The following NTRK3 variants were observed in gnomAD, a reference collection of about 807,000 sequenced individuals.
NTRK3 encodes neurotrophic receptor tyrosine kinase 3, also known as NT-3 growth factor receptor.
Under a neutral mutation model 91.7 loss-of-function variants are expected in NTRK3, and 24 were observed. That is an observed-to-expected ratio of 0.26 (90% CI 0.19 to 0.37). NTRK3 has a LOEUF of 0.37. NTRK3 is among the 10% of genes least tolerant of loss of function. The pLI, the probability that NTRK3 is intolerant of heterozygous loss-of-function variation, is 1.00. For synonymous variants in NTRK3, 483 were observed against 404.0 expected (o/e 1.20, Z -2.34); for missense variants, 880 against 1,068.9 (o/e 0.82, Z 2.46).
chr15:88,060,383 C>CCA (rs2046106809), intron 13 of NTRK3, among the ~76,000 whole-genome samples: 1 of 86,326 alleles, frequency 1.2e-5, no homozygotes, highest in Non-Finnish European at 2.3e-5. Flanking sequence ...GACTCCATCT[C>CCA]AAAAAAAAAA....
chr15:88,251,728 G>T (rs1452118887), intron 3 of NTRK3, among the ~76,000 whole-genome samples: 1 of 152,272 alleles, frequency 6.6e-6, no homozygotes, highest in Non-Finnish European at 1.5e-5. Flanking sequence ...GGACTGGCAA[G>T]GCAAGGACAG....
rs370240564 is a variant in NTRK3 at position 88,135,090 on chromosome 15, G to A, written c.1204+11C>T. Reference sequence around the variant, plus strand: ...ATCCATACACCTCCGATCCAGCTACGCTGCCCTCACCTGGAAAGGGCTCCT... The same window carrying A: ...ATCCATACACCTCCGATCCAGCTACACTGCCCTCACCTGGAAAGGGCTCCT... On this transcript the variant is annotated intron_variant, in intron 10 of 18. Transcript: ENST00000394480. The A allele has an allele frequency of 2.2e-5, 35 of 1,614,148 alleles. No individual in the cohort carries two copies. The highest frequency in any genetic ancestry group is 3.3e-5 in the Admixed American group (2 of 60,036).
intron 6 of NTRK3, among the ~76,000 whole-genome samples, chr15:88,145,908 T>A (rs1420368531): frequency 6.6e-6 from 1 of 152,098 alleles, no homozygotes; most frequent in Non-Finnish European, 1.5e-5. Context: ...CTGAAAACAC[T>A]GGGAGATAGT....
At chr15:88,164,241 G>A (rs1177113045) in intron 5 of NTRK3, among the ~76,000 whole-genome samples, 2 of 152,188 alleles carry the variant, frequency 1.3e-5, no homozygotes, top group Non-Finnish European at 2.9e-5. Flanking sequence ...GCTGCAGCCG[G>A]GCTGGCCACA....
chr15:88,086,265 T>C (rs1221464148), intron 13 of NTRK3, among the ~76,000 whole-genome samples: 1 of 152,238 alleles, frequency 6.6e-6, no homozygotes, highest in Non-Finnish European at 1.5e-5. Flanking sequence ...ACTTACTATA[T>C]GCCCGATCTG....
At chr15:88,006,402 C>G (rs1158548187) in intron 14 of NTRK3, among the ~76,000 whole-genome samples, 1 of 152,210 alleles carries the variant, frequency 6.6e-6, no homozygotes. Flanking sequence ...TCCTGAAGCA[C>G]CTGGTGCAAT....
intron 13 of NTRK3, among the ~76,000 whole-genome samples, chr15:88,108,537 C>T (rs1048487705): frequency 9.2e-5 from 14 of 152,330 alleles, no homozygotes; most frequent in African/African-American, 2.9e-4. Context: ...CTGACAGAAT[C>T]ATAGAATGTT....
chr15:88,044,251 G>A (rs1376572196), intron 13 of NTRK3, among the ~76,000 whole-genome samples: 2 of 109,360 alleles, frequency 1.8e-5, no homozygotes. Context: ...CCAAGTCTAT[G>A]TTCTTTTTTT....
intron 3 of NTRK3, among the ~76,000 whole-genome samples, chr15:88,202,601 C>T (rs921347528): frequency 5.9e-5 from 9 of 152,320 alleles, no homozygotes; most frequent in African/African-American, 2.2e-4. Flanking sequence ...CAGGGTGTGG[C>T]CAGTTGGGCC....
At chr15:88,026,471 G>T (rs1355869752) in intron 14 of NTRK3, among the ~76,000 whole-genome samples, 1 of 152,062 alleles carries the variant, frequency 6.6e-6, no homozygotes, top group Non-Finnish European at 1.5e-5. Flanking sequence ...GGTCGCCAGG[G>T]ATTGAAGGGT....
intron 6 of NTRK3, chr15:88,143,977 C>T (rs150369392): frequency 0.015 from 2,298 of 152,314 alleles, 32 homozygotes; most frequent in Non-Finnish European, 0.023. Context: ...ATCCTTAGGG[C>T]ACTGCTGGAG....
intron 17 of NTRK3, among the ~76,000 whole-genome samples, chr15:87,913,851 AT>A (rs2141769204): frequency 6.6e-6 from 1 of 152,344 alleles, no homozygotes; most frequent in African/African-American, 2.4e-5. Flanking sequence ...TTAGGCTATC[AT>A]GGCTGCATTG....
At chr15:87,992,736 A>T (rs1443747310) in intron 14 of NTRK3, among the ~76,000 whole-genome samples, 2 of 152,224 alleles carry the variant, frequency 1.3e-5, no homozygotes, top group Non-Finnish European at 2.9e-5. Flanking sequence ...TCAGTAATTC[A>T]TGCCAAGTTG....
Position 88,047,416 on chromosome 15 carries a change from G to A in NTRK3, c.1397-14371C>T, listed in dbSNP as rs147842925. On this transcript the variant is annotated intron_variant, in intron 13 of 18. Coordinates refer to ENST00000394480, the Ensembl canonical transcript of NTRK3. ...GGGGAGATTCTATAGTAGTGAGTTA[G>A]CCCTGGTACCAAGGGAAAAAAAAAG... 4.6e-5 allele frequency among the ~76,000 whole-genome samples: 7 copies of A among 152,166 alleles called. No homozygotes were observed. In the East Asian group the frequency reaches 1.4e-3, roughly 29 times the overall value.
intron 13 of NTRK3, among the ~76,000 whole-genome samples, chr15:88,050,855 G>A (rs1031930410): frequency 5.3e-5 from 8 of 152,110 alleles, no homozygotes; most frequent in African/African-American, 1.9e-4. Context: ...CCAAGACCAT[G>A]TAATCCATCC....
At chr15:87,873,886 A>T (rs1322327662) in exon 19 of NTRK3, 3 of 230,598 alleles carry the variant, frequency 1.3e-5, no homozygotes, top group African/African-American at 6.6e-5. Context: ...AGCCTTGCCC[A>T]GGCCCAGTGA....
chr15:88,020,640 G>A (rs999905), intron 14 of NTRK3, among the ~76,000 whole-genome samples: 7 of 151,886 alleles, frequency 4.6e-5, no homozygotes, highest in East Asian at 1.9e-4. Context: ...TTCTCCTACC[G>A]CTTCATCTCA....
rs112195780 is a variant in NTRK3 at position 88,127,117 on chromosome 15, G to C, written c.1293+45C>G. ...AGCAACACAAATGAAGTCTGAAAAT[G>C]ACTATGCCAGTCAACACACTCCTCT... On this transcript the variant is annotated intron_variant, in intron 12 of 18. Coordinates refer to ENST00000394480, the Ensembl canonical transcript of NTRK3. 2.7e-4 allele frequency: 403 copies of C among 1,502,300 alleles called. 8 individuals are homozygous for C. The African/African-American group carries it at 4.1e-3, about 15-fold the overall frequency. The allele number at this position is 1,502,300 out of a possible 1,614,324, so 93.1% of individuals were successfully genotyped here. A position where few individuals can be genotyped will look rare whatever the true frequency, so the allele number is the denominator to read the frequency against.
chr15:87,930,926 C>T (rs1240268014), intron 16 of NTRK3, among the ~76,000 whole-genome samples: 1 of 152,144 alleles, frequency 6.6e-6, no homozygotes, highest in East Asian at 1.9e-4. Context: ...ACACAGAGGT[C>T]TTCAGAGTGT....
Sources: gnomAD v4.1 joint callset for allele counts (sites outside exome capture counted in the v4.1 genomes callset) on GRCh38, gnomAD v4.1.1 for gene constraint, MANE v1.5 for transcripts, NCBI Gene and HGNC (gene_info 2026-07-23, HGNC 2026-07-21) for gene names.